Variants in METTL8 observed in about 807,000 individuals in gnomAD.
METTL8 encodes tRNA N(3)-cytidine methyltransferase METTL8, mitochondrial.
In METTL8, 32 loss-of-function variants were observed where a neutral mutation model predicts 48.7. The ratio of observed to expected loss-of-function variants is 0.66; its 90% CI spans 0.50 to 0.88. The LOEUF (loss-of-function observed/expected upper bound fraction) is 0.88. Among genes scored for constraint, METTL8 ranks in the 40% least tolerant of loss-of-function variants. METTL8 has a pLI of 0.00. For missense variants in METTL8, 464 were observed against 474.4 expected (o/e 0.98, Z 0.20); for synonymous variants, 136 against 157.1 (o/e 0.87, Z 1.01).
chr2:171,428,270 GT>G (rs1330940281), intron 1 of METTL8, among the ~76,000 whole-genome samples: 1 of 152,140 alleles, frequency 6.6e-6, no homozygotes, highest in African/African-American at 2.4e-5. Flanking sequence ...AAGGATTTAA[GT>G]TTTTTTGAAA....
At chr2:171,415,488 A>G (rs1286813361) in intron 1 of METTL8, among the ~76,000 whole-genome samples, 1 of 149,398 alleles carries the variant, frequency 6.7e-6, no homozygotes, top group East Asian at 2.0e-4. Context: ...AGTAGCTGGG[A>G]TTATAGGCCC....
chr2:171,369,641 G>A (rs75392955), intron 2 of METTL8, among the ~76,000 whole-genome samples: 4,687 of 152,258 alleles, frequency 0.031, 85 homozygotes, highest in East Asian at 0.051. Context: ...TTTGCGGTTC[G>A]TAGTAATTTA....
At position 171,357,263 on chromosome 2, in the gene METTL8, A is replaced by G. The variant is rs1040491804; in HGVS notation, c.235+3159T>C. ...CGTAAGCCCCTGTGCCCAGCCAACA[A>G]TATGATCTTACACTTAGAAAAACCT... On this transcript the variant is annotated intron_variant, in intron 3 of 9. Transcript: ENST00000375258. Among the ~76,000 whole-genome samples, 22 of 152,106 alleles carry G rather than the reference A, an allele frequency of 1.4e-4. 2 individuals are homozygous for G. The highest frequency in any genetic ancestry group is 1.5e-4 in the Non-Finnish European group (10 of 68,006).
At chr2:171,418,740 G>A (rs901712747) in intron 1 of METTL8, among the ~76,000 whole-genome samples, 34 of 152,056 alleles carry the variant, frequency 2.2e-4, no homozygotes, top group Admixed American at 7.9e-4. Context: ...GATCACCTAA[G>A]CTCAGGAGTT....
At chr2:171,419,949 C>A (rs1691709244) in intron 1 of METTL8, among the ~76,000 whole-genome samples, 1 of 151,974 alleles carries the variant, frequency 6.6e-6, no homozygotes, top group Non-Finnish European at 1.5e-5. Flanking sequence ...TACTGTATAT[C>A]ATTGCTTCTC....
At chr2:171,422,212 C>A (rs1691944946) in intron 1 of METTL8, among the ~76,000 whole-genome samples, 1 of 152,168 alleles carries the variant, frequency 6.6e-6, no homozygotes, top group South Asian at 2.1e-4. Context: ...TACAACAGAA[C>A]TAGCACCACA....
chr2:171,431,144 GC>G (rs1317356094), intron 1 of METTL8, among the ~76,000 whole-genome samples: 1 of 152,176 alleles, frequency 6.6e-6, no homozygotes, highest in East Asian at 1.9e-4. Flanking sequence ...CCTACGACGT[GC>G]CCCAAAAGTG....
chr2:171,403,420 A>G (rs1689840459), intron 1 of METTL8, among the ~76,000 whole-genome samples: 1 of 152,126 alleles, frequency 6.6e-6, no homozygotes, highest in South Asian at 2.1e-4. Context: ...AATACTCCCC[A>G]AACTGTCAAG....
chr2:171,410,280 G>A (rs991504786), intron 1 of METTL8, among the ~76,000 whole-genome samples: 2 of 152,160 alleles, frequency 1.3e-5, no homozygotes, highest in Non-Finnish European at 2.9e-5. Flanking sequence ...AATCCATAAC[G>A]TGGATGAAAA....
intron 3 of METTL8, among the ~76,000 whole-genome samples, chr2:171,348,264 G>A (rs750272592): frequency 9.2e-5 from 14 of 152,134 alleles, no homozygotes; most frequent in Non-Finnish European, 1.9e-4. Flanking sequence ...AATCTCAGGG[G>A]TTGGAAACCT....
chr2:171,320,051 A>G lies in METTL8; in HGVS notation c.*4121T>C, dbSNP rs1469671042. ...ATTTCATGCAGTTATCAAATATTTT[A>G]AACTAATACCCAAGCAGTTACATTT... is the stretch of plus-strand genomic sequence containing the variant. On this transcript the variant is annotated 3_prime_UTR_variant, in exon 10 of 10. Transcript: ENST00000375258. 6.6e-6 allele frequency: 1 copy of G among 152,114 alleles called. No homozygotes were observed. Among genetic ancestry groups the G allele is most frequent in the Non-Finnish European group, 1.5e-5 (1 of 68,004 alleles). 9.4% of individuals were successfully genotyped at this position (152,114 alleles called of 1,614,324 possible).
intron 1 of METTL8, among the ~76,000 whole-genome samples, chr2:171,429,029 T>C (rs1692701285): frequency 6.6e-6 from 1 of 152,162 alleles, no homozygotes; most frequent in African/African-American, 2.4e-5. Context: ...TAAGGTACCT[T>C]ATGTGAACCC....
Position 171,324,009 on chromosome 2 carries a change from A to G in METTL8, c.*163T>C, listed in dbSNP as rs1167820945. 3.3e-6 allele frequency: 2 copies of G among 597,468 alleles called. No individual in the cohort carries two copies. The highest frequency in any genetic ancestry group is 6.5e-5 in the Admixed American group (2 of 30,948). The allele number at this position is 597,468 out of a possible 1,614,324, so 37.0% of individuals were successfully genotyped here. On this transcript the variant is annotated 3_prime_UTR_variant, in exon 10 of 10. Coordinates refer to ENST00000375258, the MANE Select transcript of METTL8 (RefSeq NM_001321154.2). ...AGAAAAAGGCATACTGTGCTGAACC[A>G]CTTACATGTGCTTAAAATGCACAAA...
At position 171,320,208 on chromosome 2, in the gene METTL8, G is replaced by C. The variant is rs2105372937; in HGVS notation, c.*3964C>G. On this transcript the variant is annotated 3_prime_UTR_variant, in exon 10 of 10. Coordinates refer to ENST00000375258, the MANE Select transcript of METTL8 (RefSeq NM_001321154.2). ...AAGGAAGTTGTTGTAGGTAGGTTAA[G>C]AGACAGAAAGACTGACCAGGCAAGC... is the stretch of plus-strand genomic sequence containing the variant. 1 of 151,854 alleles carries C rather than the reference G, an allele frequency of 6.6e-6. No individual in the cohort carries two copies. The highest frequency in any genetic ancestry group is 3.4e-3 in the Middle Eastern group (1 of 294). The allele number at this position is 151,854 out of a possible 1,614,324, so 9.4% of individuals were successfully genotyped here.
Position 171,317,979 on chromosome 2 carries a change from C to T in METTL8, c.*6193G>A, listed in dbSNP as rs1191751055. 3 of 152,224 alleles carry T rather than the reference C, an allele frequency of 2.0e-5. No individual in the cohort carries two copies. The highest frequency in any genetic ancestry group is 4.4e-5 in the Non-Finnish European group (3 of 68,046). 9.4% of individuals were successfully genotyped at this position (152,224 alleles called of 1,614,324 possible). A position where few individuals can be genotyped will look rare whatever the true frequency, so the allele number is the denominator to read the frequency against. On this transcript the variant is annotated 3_prime_UTR_variant, in exon 10 of 10. Coordinates refer to ENST00000375258, the MANE Select transcript of METTL8 (RefSeq NM_001321154.2). ...CTATTTTTCTTACCCTCTGTAGGCA[C>T]TCACACGCAGAACTATTATTACTTG...
Position 171,320,572 on chromosome 2 carries a change from CT to C in METTL8, c.*3599del, listed in dbSNP as rs1684477711. 1 of 152,228 alleles carries C rather than the reference CT, an allele frequency of 6.6e-6. No homozygotes were observed. 9.4% of individuals were successfully genotyped at this position (152,228 alleles called of 1,614,324 possible). On this transcript the variant is annotated 3_prime_UTR_variant, in exon 10 of 10. Coordinates refer to ENST00000375258, the MANE Select transcript of METTL8 (RefSeq NM_001321154.2). ...TTAAACGGAGACACAAGGAGATCTG[CT>C]GGGGTTCCCATAGCAACATTAACTT...
intron 3 of METTL8, among the ~76,000 whole-genome samples, chr2:171,346,734 C>T (rs1023038933): frequency 9.9e-5 from 15 of 152,146 alleles, no homozygotes; most frequent in African/African-American, 2.2e-4. Flanking sequence ...AGGCACTTGC[C>T]GAAGAGCCAG....
intron 2 of METTL8, among the ~76,000 whole-genome samples, chr2:171,390,291 A>C (rs1285639573): frequency 6.6e-6 from 1 of 152,222 alleles, no homozygotes; most frequent in Non-Finnish European, 1.5e-5. Context: ...GTTCTGATGG[A>C]AATGTACAAG....
At chr2:171,362,595 A>AAATAAATAAATAAATC (rs1553516248) in intron 2 of METTL8, among the ~76,000 whole-genome samples, 13 of 151,168 alleles carry the variant, frequency 8.6e-5, no homozygotes, top group African/African-American at 3.2e-4. Context: ...ATAAATAAAT[A>AAATAAATAAATAAATC]AATAAATCAA....
Sources: allele counts gnomAD v4.1 joint callset (sites outside exome capture counted in the v4.1 genomes callset), GRCh38; gene constraint gnomAD v4.1.1; transcripts MANE v1.5; gene names NCBI Gene and HGNC (gene_info 2026-07-23, HGNC 2026-07-21).